The following JMJD1C variants were observed in gnomAD, a reference collection of about 807,000 sequenced individuals.
The protein encoded by JMJD1C is jumonji domain containing 1C.
A neutral mutation model predicts 245.3 loss-of-function variants in JMJD1C; 31 were observed. That is an observed-to-expected ratio of 0.13 (90% confidence interval 0.09 to 0.17). JMJD1C has a LOEUF of 0.17. Among genes scored for constraint, JMJD1C ranks in the 10% least tolerant of loss-of-function variants. The pLI is 1.00. For missense variants in JMJD1C, 2,691 were observed against 3,000.2 expected (o/e 0.90, Z 2.41); for synonymous variants, 1,057 against 1,017.4 (o/e 1.04, Z -0.74).
At position 63,194,390 on chromosome 10, in the gene JMJD1C, A is replaced by C. The variant is rs763956102; in HGVS notation, c.5645-15T>G. On this transcript the variant is annotated splice_polypyrimidine_tract_variant and intron_variant, in intron 13 of 25. Coordinates refer to ENST00000399262, the MANE Select transcript of JMJD1C (RefSeq NM_032776.3). ...TAGTTCTTTATCTGTAAGATAATAAAACTTGTATATCACACTCATGGTTTC... is the reference window on the plus strand; with the variant it reads ...TAGTTCTTTATCTGTAAGATAATAACACTTGTATATCACACTCATGGTTTC... 2.6e-5 allele frequency: 38 copies of C among 1,454,402 alleles called. No individual in the cohort carries two copies. Among genetic ancestry groups the C allele is most frequent in the Non-Finnish European group, 3.6e-5 (37 of 1,034,674 alleles). 90.1% of individuals were successfully genotyped at this position (1,454,402 alleles called of 1,614,324 possible).
chr10:63,396,087 T>C (rs1212391704), intron 1 of JMJD1C, among the ~76,000 whole-genome samples: 3 of 152,032 alleles, frequency 2.0e-5, no homozygotes, highest in Non-Finnish European at 4.4e-5. Context: ...TAAAAACAAA[T>C]TAAATGCATA....
At position 63,352,499 on chromosome 10, in the gene JMJD1C, G is replaced by A. The variant is rs150660770; in HGVS notation, c.333+27819C>T. On this transcript the variant is annotated intron_variant, in intron 2 of 25. Coordinates refer to ENST00000399262, the MANE Select transcript of JMJD1C (RefSeq NM_032776.3). ...CTAAAAATACAAAAATTAGCTGGGCGTGATGACATGCATCTATAATTCCAG... is the reference window on the plus strand; with the variant it reads ...CTAAAAATACAAAAATTAGCTGGGCATGATGACATGCATCTATAATTCCAG... Among the ~76,000 whole-genome samples, 635 of 152,002 alleles carry A rather than the reference G, an allele frequency of 4.2e-3. 5 individuals carry two copies. Among genetic ancestry groups the A allele is most frequent in the African/African-American group, 0.015 (613 of 41,476 alleles).
intron 1 of JMJD1C, among the ~76,000 whole-genome samples, chr10:63,393,942 A>G (rs1288149171): frequency 1.3e-5 from 2 of 152,208 alleles, no homozygotes; most frequent in Non-Finnish European, 2.9e-5. Flanking sequence ...GCACTTTCAG[A>G]GGCCAAGGCA....
At chr10:63,354,000 C>T (rs1944589879) in intron 2 of JMJD1C, among the ~76,000 whole-genome samples, 1 of 152,028 alleles carries the variant, frequency 6.6e-6, no homozygotes, top group Non-Finnish European at 1.5e-5. Flanking sequence ...ACCACCACAC[C>T]CAGCTAATTT....
At chr10:63,316,395 T>C (rs563874360) in intron 2 of JMJD1C, among the ~76,000 whole-genome samples, 7 of 152,284 alleles carry the variant, frequency 4.6e-5, no homozygotes, top group Admixed American at 3.3e-4. Flanking sequence ...CTTACGTGTT[T>C]TTTGGTTTGT....
In JMJD1C at chr10:63,507,644, C is replaced by CAAAAAAAAAAAAAAAAAAAAA. The variant is rs34738955; in HGVS notation, n.113+14093_113+14094insTTTTTTTTTTTTTTTTTTTTT. 1.7e-3 allele frequency among the ~76,000 whole-genome samples: 97 copies of CAAAAAAAAAAAAAAAAAAAAA among 58,748 alleles called. 19 individuals carry two copies. The highest frequency in any genetic ancestry group is 6.9e-3 in the African/African-American group (71 of 10,318). 38.5% of individuals were successfully genotyped at this position (58,748 alleles called of 152,430 possible). On this transcript the variant is annotated intron_variant and non_coding_transcript_variant, in intron 1 of 3. Coordinates refer to the JMJD1C transcript ENST00000633035. Reference sequence around the variant, plus strand: ...TGGGCAACAGAGTAAGACTCTGTCTCAAAAAAAAAAAAAAAAAAACAGTGG... The same window carrying CAAAAAAAAAAAAAAAAAAAAA: ...TGGGCAACAGAGTAAGACTCTGTCTCAAAAAAAAAAAAAAAAAAAAAAAAAAAAAAAAAAAAAAAACAGTGG...
intron 1 of JMJD1C, among the ~76,000 whole-genome samples, chr10:63,485,915 C>A (rs16918507): frequency 2.6e-5 from 4 of 151,674 alleles, no homozygotes; most frequent in African/African-American, 9.7e-5. Flanking sequence ...ACAGTAGGGA[C>A]AAGACAAATA....
intron 1 of JMJD1C, among the ~76,000 whole-genome samples, chr10:63,520,559 G>A (rs969294138): frequency 6.8e-6 from 1 of 146,294 alleles, no homozygotes; most frequent in Non-Finnish European, 1.5e-5. Flanking sequence ...ATATTTGCAA[G>A]AACAGCAAGG....
At chr10:63,370,170 T>C (rs1473946704) in intron 2 of JMJD1C, among the ~76,000 whole-genome samples, 2 of 152,320 alleles carry the variant, frequency 1.3e-5, no homozygotes, top group Middle Eastern at 3.4e-3. Context: ...CCCTGGCTGA[T>C]TTTAATTCGT....
intron 1 of JMJD1C, among the ~76,000 whole-genome samples, chr10:63,437,558 T>A (rs558613771): frequency 2.0e-5 from 3 of 152,224 alleles, no homozygotes; most frequent in Non-Finnish European, 4.4e-5. Flanking sequence ...TATCTCTGAA[T>A]TGTTTTCATC....
Position 63,250,258 on chromosome 10 carries a change from T to C in JMJD1C, c.447+14393A>G, listed in dbSNP as rs577063713. Among the ~76,000 whole-genome samples the C allele has an allele frequency of 2.6e-5, 4 of 152,264 alleles. No individual in the cohort carries two copies. In the South Asian group the frequency reaches 8.3e-4, roughly 32 times the overall value. On this transcript the variant is annotated intron_variant, in intron 3 of 25. Transcript: ENST00000399262. The stretch of plus-strand genomic sequence containing the variant: ...GTCTTGAACTCTTGGCCTCAAGTGA[T>C]CCTCCTGCTTTGGCTCTTAAAGTGG...
At chr10:63,412,777 A>C (rs1479352300) in intron 1 of JMJD1C, among the ~76,000 whole-genome samples, 2 of 152,234 alleles carry the variant, frequency 1.3e-5, no homozygotes, top group African/African-American at 2.4e-5. Flanking sequence ...TTATGCATTT[A>C]TGACATACCT....
At chr10:63,507,916 G>A (rs758927221) in intron 1 of JMJD1C, among the ~76,000 whole-genome samples, 11 of 151,992 alleles carry the variant, frequency 7.2e-5, no homozygotes, top group Non-Finnish European at 8.8e-5. Context: ...TTTTAATCAG[G>A]TTGTTTATAT....
Position 63,465,964 on chromosome 10 carries a change from C to T in JMJD1C, c.-302G>A. On this transcript the variant is annotated 5_prime_UTR_variant, in exon 1 of 26. Coordinates refer to ENST00000399262, the MANE Select transcript of JMJD1C (RefSeq NM_032776.3). Reference sequence around the variant, plus strand: ...AGGCAGCCCAGCCGCCGCCACCGCGCCGCGGCCAGTACTGCTCCGTCTCCC... The same window carrying T: ...AGGCAGCCCAGCCGCCGCCACCGCGTCGCGGCCAGTACTGCTCCGTCTCCC... 3 of 509,564 alleles carry T rather than the reference C, an allele frequency of 5.9e-6. No individual in the cohort carries two copies. The highest frequency in any genetic ancestry group is 1.1e-5 in the Non-Finnish European group (3 of 274,054). 31.6% of individuals were successfully genotyped at this position (509,564 alleles called of 1,614,324 possible).
upstream of JMJD1C, among the ~76,000 whole-genome samples, chr10:63,467,730 T>A (rs1183282623): frequency 6.6e-6 from 1 of 152,114 alleles, no homozygotes; most frequent in Admixed American, 6.5e-5. Flanking sequence ...GTAAAGTGAC[T>A]TGGTGACAAT....
chr10:63,465,505 G>GGATTGCGGCTGTCC lies in JMJD1C; in HGVS notation c.144_157dup (p.Pro53ArgfsTer40), dbSNP rs1953177490. The stretch of plus-strand genomic sequence containing the variant: ...CGCTGACTCTCTTACCGCCAGGTCC[G>GGATTGCGGCTGTCC]GATTGCGGCTGTCCCTGTGTGACAC... On this transcript the variant is annotated frameshift_variant, in exon 1 of 26. Transcript: ENST00000399262. LOFTEE classifies it high-confidence loss of function. 6.2e-7 allele frequency: 1 copy of GGATTGCGGCTGTCC among 1,603,672 alleles called. No homozygotes were observed. Among genetic ancestry groups the GGATTGCGGCTGTCC allele is most frequent in the Admixed American group, 1.7e-5 (1 of 59,488 alleles).
chr10:63,212,821 T>C (rs1847520647), intron 8 of JMJD1C, among the ~76,000 whole-genome samples: 2 of 151,276 alleles, frequency 1.3e-5, no homozygotes, highest in Admixed American at 6.6e-5. Flanking sequence ...AAAATAATTA[T>C]GTATAATTTG....
intron 1 of JMJD1C, among the ~76,000 whole-genome samples, chr10:63,503,378 G>A (rs1363494512): frequency 6.6e-6 from 1 of 152,124 alleles, no homozygotes; most frequent in Non-Finnish European, 1.5e-5. Context: ...TAATAATTAA[G>A]CGTTCTGAGC....
chr10:63,311,616 AAAGC>A (rs1271928042), intron 2 of JMJD1C, among the ~76,000 whole-genome samples: 3 of 152,372 alleles, frequency 2.0e-5, no homozygotes, highest in Non-Finnish European at 4.4e-5. Context: ...CGAAATCATG[AAAGC>A]AAGTAAATCA....
Sources: gnomAD v4.1 joint callset for allele counts (sites outside exome capture counted in the v4.1 genomes callset) on GRCh38, gnomAD v4.1.1 for gene constraint, MANE v1.5 for transcripts, NCBI Gene and HGNC (gene_info 2026-07-23, HGNC 2026-07-21) for gene names.